COP1: variants seen among roughly 807,000 people sequenced by gnomAD.
COP1 encodes E3 ubiquitin-protein ligase COP1.
In COP1, 24 loss-of-function variants were observed where a neutral mutation model predicts 101.3. The observed-to-expected ratio is 0.24, with a 90% CI of 0.17 to 0.33. COP1 has a LOEUF of 0.33. COP1 is among the 10% of genes least tolerant of loss of function. The pLI is 1.00. For synonymous variants in COP1, 347 were observed against 341.9 expected, an observed-to-expected ratio of 1.01 and a Z score of -0.17; for missense variants, 663 against 906.2, an observed-to-expected ratio of 0.73 and a Z score of 3.45.
At chr1:176,193,463 C>A (rs991829699) in intron 1 of COP1, among the ~76,000 whole-genome samples, 2 of 152,096 alleles carry the variant, frequency 1.3e-5, no homozygotes, top group Admixed American at 6.5e-5. Flanking sequence ...AAAACTCATA[C>A]ACAAATGTTC....
intron 9 of COP1, among the ~76,000 whole-genome samples, chr1:176,110,744 C>A (rs1035762696): frequency 6.6e-6 from 1 of 152,348 alleles, no homozygotes; most frequent in Middle Eastern, 3.4e-3. Flanking sequence ...AGCAAAGACT[C>A]TGAAGCCATA....
intron 8 of COP1, among the ~76,000 whole-genome samples, chr1:176,119,142 T>C (rs1558145933): frequency 6.6e-6 from 1 of 152,230 alleles, no homozygotes; most frequent in Non-Finnish European, 1.5e-5. Flanking sequence ...CACACTGGTA[T>C]GACAAGATTG....
chr1:175,992,491 G>C (rs948601514), intron 15 of COP1, among the ~76,000 whole-genome samples: 1 of 152,220 alleles, frequency 6.6e-6, no homozygotes, highest in East Asian at 1.9e-4. Context: ...CCCTTTCCTA[G>C]TCAAAGAAAG....
intron 5 of COP1, among the ~76,000 whole-genome samples, chr1:176,151,309 GAGAAAGAAAGAAGGAA>G (rs377538785): frequency 0.014 from 1,784 of 128,590 alleles, 39 homozygotes; most frequent in African/African-American, 0.048. Context: ...AAAGAAAGGA[GAGAAAGAAAGAAGGAA>G]AGAAAGAAAG....
intron 15 of COP1, among the ~76,000 whole-genome samples, chr1:176,008,164 C>G (rs965872533): frequency 6.6e-6 from 1 of 152,212 alleles, no homozygotes; most frequent in East Asian, 1.9e-4. Context: ...TGACCCCTTG[C>G]GCTTCCCAAG....
At chr1:176,147,879 A>G (rs1438057475) in intron 6 of COP1, among the ~76,000 whole-genome samples, 3 of 152,184 alleles carry the variant, frequency 2.0e-5, no homozygotes, top group African/African-American at 4.8e-5. Flanking sequence ...TAATCTGAAC[A>G]TGCATTTTAG....
chr1:175,951,437 A>AATATATATATATATATAT (rs765055146), intron 18 of COP1, among the ~76,000 whole-genome samples: 110 of 107,986 alleles, frequency 1.0e-3, no homozygotes, highest in African/African-American at 2.6e-3. Flanking sequence ...AAGATACGTG[A>AATATATATATATATATAT]ATATATATAT....
At chr1:176,178,678 C>A (rs1697314003) in intron 2 of COP1, among the ~76,000 whole-genome samples, 1 of 151,692 alleles carries the variant, frequency 6.6e-6, no homozygotes, top group Non-Finnish European at 1.5e-5. Flanking sequence ...ATGGCAAAAC[C>A]CCGTCTCTAC....
At chr1:176,195,180 G>A (rs1381118925) in intron 1 of COP1, among the ~76,000 whole-genome samples, 1 of 150,888 alleles carries the variant, frequency 6.6e-6, no homozygotes, top group African/African-American at 2.4e-5. Context: ...GAGGGAGGGA[G>A]GGAAGGGAGG....
chr1:176,133,370 C>G (rs1417639351), intron 8 of COP1, among the ~76,000 whole-genome samples: 1 of 151,824 alleles, frequency 6.6e-6, no homozygotes, highest in Non-Finnish European at 1.5e-5. Flanking sequence ...ATGCCAATAT[C>G]AAGTGTCATA....
chr1:175,947,433 C>T (rs902281646), intron 18 of COP1, 194 bp from the exon 19 acceptor site: 18 of 470,816 alleles, frequency 3.8e-5, no homozygotes, highest in South Asian at 4.7e-5. Context: ...TGCAATGGCG[C>T]GATCTTGGCT....
At chr1:176,120,644 C>G (rs916814278) in intron 8 of COP1, among the ~76,000 whole-genome samples, 6 of 152,102 alleles carry the variant, frequency 3.9e-5, no homozygotes, top group Non-Finnish European at 7.4e-5. Context: ...TTCTGCTATG[C>G]AAGTAGATGT....
intron 6 of COP1, among the ~76,000 whole-genome samples, 159 bp downstream of exon 6, chr1:176,148,842 AAAGAG>A (rs1691977875): frequency 6.6e-6 from 1 of 152,140 alleles, no homozygotes; most frequent in South Asian, 2.1e-4. Flanking sequence ...GTCAAGTTGT[AAAGAG>A]AAAAGAAGTT....
chr1:175,999,561 G>A (rs888644039), intron 15 of COP1, among the ~76,000 whole-genome samples: 24 of 152,010 alleles, frequency 1.6e-4, no homozygotes, highest in East Asian at 1.2e-3. Context: ...GAACAGTGCC[G>A]CAAAAAACAT....
At chr1:176,035,659 G>A (rs1571831683) in intron 14 of COP1, among the ~76,000 whole-genome samples, 1 of 87,904 alleles carries the variant, frequency 1.1e-5, no homozygotes, top group Admixed American at 1.3e-4. Flanking sequence ...ACTAAACAGA[G>A]AAATAAAATC....
Position 176,030,533 on chromosome 1 carries a change from C to T in COP1, c.1613-2845G>A, listed in dbSNP as rs569666055. On this transcript the variant is annotated intron_variant, in intron 14 of 19. Transcript: ENST00000367669. ...AATGACAGTTAAGTTAGAAGGGTGG[C>T]AGGTCTTTTGTAATTTCATGGTAAT... 5.3e-5 allele frequency among the ~76,000 whole-genome samples: 8 copies of T among 152,138 alleles called. No individual in the cohort carries two copies. In the South Asian group the frequency reaches 1.7e-3, roughly 32 times the overall value.
chr1:176,128,667 G>T (rs980487751), intron 8 of COP1, among the ~76,000 whole-genome samples: 1 of 151,788 alleles, frequency 6.6e-6, no homozygotes, highest in African/African-American at 2.4e-5. Flanking sequence ...AACCTTCAAG[G>T]TTTGAGAAAA....
intron 3 of COP1, among the ~76,000 whole-genome samples, chr1:176,167,431 T>G (rs1695315437): frequency 1.3e-5 from 2 of 152,106 alleles, no homozygotes. Flanking sequence ...AATGAATGAA[T>G]GAATGAATGA....
intron 11 of COP1, among the ~76,000 whole-genome samples, chr1:176,068,563 AT>A (rs1055152280): frequency 6.6e-6 from 1 of 152,208 alleles, no homozygotes; most frequent in Non-Finnish European, 1.5e-5. Flanking sequence ...CAAAGGTCTC[AT>A]TTCATCTTAT....
Sources: gnomAD v4.1 joint callset for allele counts (sites outside exome capture counted in the v4.1 genomes callset) on GRCh38, gnomAD v4.1.1 for gene constraint, MANE v1.5 for transcripts, NCBI Gene and HGNC (gene_info 2026-07-23, HGNC 2026-07-21) for gene names.